Variants in EPHB1 observed in about 807,000 individuals in gnomAD.
EPHB1 encodes EPH receptor B1, also known as ephrin type-B receptor 1.
In EPHB1, 30 loss-of-function variants were observed where a neutral mutation model predicts 94.4. The ratio of observed to expected loss-of-function variants is 0.32; its 90% CI spans 0.24 to 0.43. EPHB1 has a LOEUF of 0.43. EPHB1 is among the 20% of genes least tolerant of loss of function. EPHB1 has a pLI of 1.00. For synonymous variants in EPHB1, 522 were observed against 489.1 expected, an observed-to-expected ratio of 1.07 and a Z score of -0.89; for missense variants, 1,055 against 1,308.3, an observed-to-expected ratio of 0.81 and a Z score of 2.99.
intron 3 of EPHB1, among the ~76,000 whole-genome samples, chr3:135,104,893 A>T (rs1939155014): frequency 6.6e-6 from 1 of 152,254 alleles, no homozygotes; most frequent in South Asian, 2.1e-4. Context: ...TTCACAGCAT[A>T]GGAAACAATT....
chr3:135,032,291 T>G (rs1247617135), intron 3 of EPHB1, among the ~76,000 whole-genome samples: 1 of 151,946 alleles, frequency 6.6e-6, no homozygotes, highest in South Asian at 2.1e-4. Flanking sequence ...TTTTTTTTCT[T>G]TTTTTAGGTC....
chr3:135,249,924 T>A (rs1042566127), intron 15 of EPHB1, among the ~76,000 whole-genome samples: 6 of 152,232 alleles, frequency 3.9e-5, no homozygotes, highest in Non-Finnish European at 7.3e-5. Context: ...TCAACAAGCA[T>A]GCATTTCCAT....
At chr3:134,899,335 C>T (rs1294635421) in intron 1 of EPHB1, among the ~76,000 whole-genome samples, 2 of 152,120 alleles carry the variant, frequency 1.3e-5, no homozygotes, top group South Asian at 2.1e-4. Context: ...GATTGGCCTG[C>T]GATGTTCCTT....
chr3:135,183,233 TCCCTCCCTCCCTTTCTTCCTTCCTTC>T (rs1942231581), intron 10 of EPHB1, among the ~76,000 whole-genome samples: 2 of 108,358 alleles, frequency 1.8e-5, no homozygotes, highest in Non-Finnish European at 3.6e-5. Context: ...CCTCCCTTCC[TCCCTCCCTCCCTTTCTTCCTTCCTTC>T]CTTCCTTCCT....
At chr3:135,214,965 T>A (rs961310082) in intron 12 of EPHB1, among the ~76,000 whole-genome samples, 1 of 152,174 alleles carries the variant, frequency 6.6e-6, no homozygotes, top group Non-Finnish European at 1.5e-5. Flanking sequence ...CTAGTTCTCT[T>A]CATCCATAAA....
chr3:134,819,067 G>A (rs2036329341), intron 1 of EPHB1, among the ~76,000 whole-genome samples: 1 of 152,188 alleles, frequency 6.6e-6, no homozygotes. Context: ...GAGTGAAGGG[G>A]GCCGTTTAGG....
At chr3:135,000,141 G>A (rs1020569020) in intron 3 of EPHB1, among the ~76,000 whole-genome samples, 2 of 152,196 alleles carry the variant, frequency 1.3e-5, no homozygotes, top group African/African-American at 2.4e-5. Context: ...AACTAGACTG[G>A]CTTAGCACTG....
chr3:135,239,774 G>T (rs1421807396), intron 12 of EPHB1, among the ~76,000 whole-genome samples: 1 of 152,156 alleles, frequency 6.6e-6, no homozygotes, highest in Admixed American at 6.5e-5. Context: ...TGGATTGCTT[G>T]TATGTCCCAG....
chr3:135,222,135 G>T (rs999668351), intron 12 of EPHB1, among the ~76,000 whole-genome samples: 2 of 152,172 alleles, frequency 1.3e-5, no homozygotes, highest in African/African-American at 4.8e-5. Context: ...ACCTAAGTGA[G>T]GTATTTACTT....
rs575934281 is a variant in EPHB1 at position 134,846,065 on chromosome 3, C to T, written c.58+50376C>T. On this transcript the variant is annotated intron_variant, in intron 1 of 15. Transcript: ENST00000398015. ...GGGGAAGTGGGGCTGCCAGCCTGTG[C>T]TTGGGAGTTGCATCTCCTCTGATCA... Among the ~76,000 whole-genome samples the T allele has an allele frequency of 3.3e-5, 5 of 152,294 alleles. No individual in the cohort carries two copies. In the South Asian group the frequency reaches 1.0e-3, roughly 32 times the overall value.
At chr3:134,955,071 C>CTTTGTTT (rs1933200291) in intron 3 of EPHB1, among the ~76,000 whole-genome samples, 1 of 8,410 alleles carries the variant, frequency 1.2e-4, no homozygotes, top group Non-Finnish European at 2.1e-4. Flanking sequence ...GACATCCTTT[C>CTTTGTTT]TTTTTTTTTT....
chr3:134,859,843 C>T (rs1453807280), intron 1 of EPHB1, among the ~76,000 whole-genome samples: 6 of 151,974 alleles, frequency 3.9e-5, no homozygotes, highest in South Asian at 2.1e-4. Flanking sequence ...TTTATACGGC[C>T]GCAATCATAA....
At chr3:134,915,277 A>G (rs2038541895) in intron 1 of EPHB1, among the ~76,000 whole-genome samples, 1 of 152,190 alleles carries the variant, frequency 6.6e-6, no homozygotes, top group African/African-American at 2.4e-5. Context: ...AAGAAGTCAT[A>G]CTAGAGTATG....
At chr3:135,160,287 G>A (rs1012132372) in intron 6 of EPHB1, among the ~76,000 whole-genome samples, 6 of 152,116 alleles carry the variant, frequency 3.9e-5, no homozygotes, top group African/African-American at 1.4e-4. Flanking sequence ...TCACAAAGTA[G>A]GCTTTTATAT....
chr3:134,811,249 T>TG, intron 1 of EPHB1, among the ~76,000 whole-genome samples: 4 of 110,280 alleles, frequency 3.6e-5, no homozygotes, highest in African/African-American at 1.6e-4. Flanking sequence ...AAGGTTTTTT[T>TG]TTTTTTTTTT....
chr3:134,956,607 C>A (rs1052132892), intron 3 of EPHB1, among the ~76,000 whole-genome samples: 2 of 152,066 alleles, frequency 1.3e-5, no homozygotes, highest in Non-Finnish European at 2.9e-5. Flanking sequence ...AGAGACCTAA[C>A]CTAAAGATAG....
chr3:134,944,467 C>G (rs568186165), intron 2 of EPHB1, among the ~76,000 whole-genome samples: 40 of 152,318 alleles, frequency 2.6e-4, no homozygotes, highest in Admixed American at 2.2e-3. Flanking sequence ...AAGTATGAAG[C>G]TTACTCCTCA....
chr3:134,996,361 T>C (rs964836449), intron 3 of EPHB1, among the ~76,000 whole-genome samples: 1 of 152,006 alleles, frequency 6.6e-6, no homozygotes, highest in Non-Finnish European at 1.5e-5. Context: ...ACCCAGCCAA[T>C]TTTTTGTAGA....
intron 15 of EPHB1, among the ~76,000 whole-genome samples, chr3:135,252,626 G>T (rs368924216): frequency 6.2e-5 from 9 of 144,184 alleles, no homozygotes; most frequent in Non-Finnish European, 1.1e-4. Context: ...TGTTGGACAT[G>T]TGGGTTGGTT....
Sources: gnomAD v4.1 joint callset for allele counts (sites outside exome capture counted in the v4.1 genomes callset) on GRCh38, gnomAD v4.1.1 for gene constraint, MANE v1.5 for transcripts, NCBI Gene and HGNC (gene_info 2026-07-23, HGNC 2026-07-21) for gene names.